The following COQ9 variants were observed in gnomAD, a reference collection of about 807,000 sequenced individuals.
The protein encoded by COQ9 is ubiquinone biosynthesis protein COQ9, mitochondrial.
COQ9 carries 35 observed loss-of-function variants against 42.4 expected under a neutral mutation model. The ratio of observed to expected loss-of-function variants is 0.83; its 90% confidence interval spans 0.63 to 1.10. The LOEUF (loss-of-function observed/expected upper bound fraction) is 1.10, where lower values mean the gene tolerates loss of function less well. Ranked by LOEUF, COQ9 falls within the 50% of genes least tolerant of loss-of-function variation. COQ9 has a pLI of 0.00. For missense variants in COQ9, 406 were observed against 414.6 expected (o/e 0.98, Z 0.18); for synonymous variants, 155 against 155.1 (o/e 1.00, Z 0.00).
At chr16:57,458,547 G>A (rs371220995) in intron 6 of COQ9, among the ~76,000 whole-genome samples, 197 bp downstream of exon 6, 31 of 152,342 alleles carry the variant, frequency 2.0e-4, no homozygotes, top group African/African-American at 7.5e-4. Flanking sequence ...CAGCATTCTA[G>A]CCACAAACCA....
Position 57,456,976 on chromosome 16 carries a change from A to G in COQ9, c.567A>G (p.Arg189=). 1.2e-6 allele frequency: 2 copies of G among 1,614,098 alleles called. No individual in the cohort carries two copies. The highest frequency in any genetic ancestry group is 1.7e-6 in the Non-Finnish European group (2 of 1,179,986). The change falls in exon 5 of 9, where the codon AGA becomes AGG. Residue 189 remains arginine, a synonymous_variant. Coordinates refer to ENST00000262507, the MANE Select transcript of COQ9 (RefSeq NM_020312.4). ...TCCTGAGGGATGCAGTGGAAACCAG[A>G]CTGAGAATGCTGATCCCATACATTG... ...DQFLRDAVET[R]LRMLIPYIEH...
chr16:57,451,127 C>T lies in COQ9; in HGVS notation c.161C>T (p.Pro54Leu), dbSNP rs752172616. The change falls in exon 2 of 9, where the codon CCT (proline) becomes CTT (leucine). Residue 54 changes from proline to leucine, a missense_variant. Pro to Leu is a moderately conservative substitution (Grantham distance 98). Coordinates refer to ENST00000262507, the MANE Select transcript of COQ9 (RefSeq NM_020312.4). Reference sequence around the variant, plus strand: ...TCTTCAGATGAGCAGAAGCAGCAGCCTCCCAACTCATTTTCTCAGCAGCAT... The same window carrying T: ...TCTTCAGATGAGCAGAAGCAGCAGCTTCCCAACTCATTTTCTCAGCAGCAT... The part of the protein sequence containing the change: ...LRSSDEQKQQ[P>L]PNSFSQQHSE... 9 of 1,614,028 alleles carry T rather than the reference C, an allele frequency of 5.6e-6. No individual in the cohort carries two copies. Among genetic ancestry groups the T allele is most frequent in the Non-Finnish European group, 7.6e-6 (9 of 1,180,028 alleles).
chr16:57,456,766 C>T, intron 4 of COQ9, 120 bp downstream of exon 4: 5 of 1,386,454 alleles, frequency 3.6e-6, no homozygotes, highest in Non-Finnish European at 5.0e-6. Context: ...TTGGGCAGCC[C>T]TGCTGCTGTG....
chr16:57,457,316 C>A, intron 5 of COQ9: 1 of 463,704 alleles, frequency 2.2e-6, no homozygotes. Context: ...GAGGAGGAAT[C>A]CATGCAGGAG....
At chr16:57,459,329 T>C (rs2030475174) in intron 6 of COQ9, among the ~76,000 whole-genome samples, 1 of 152,208 alleles carries the variant, frequency 6.6e-6, no homozygotes, top group Non-Finnish European at 1.5e-5. Flanking sequence ...CCTGGCACTT[T>C]ATTTAGATCC....
At chr16:57,450,282 G>T (rs1416010347) in intron 1 of COQ9, among the ~76,000 whole-genome samples, 4 of 152,036 alleles carry the variant, frequency 2.6e-5, no homozygotes, top group African/African-American at 4.8e-5. Context: ...GAGAGTGGTG[G>T]CGGGTGCCTG....
chr16:57,453,755 A>T (rs192278657), intron 3 of COQ9: 17 of 152,440 alleles, frequency 1.1e-4, no homozygotes, highest in Admixed American at 9.8e-4. Flanking sequence ...TGAACAATAC[A>T]AACAAATATA....
chr16:57,451,990 G>GT (rs565374865), intron 2 of COQ9, among the ~76,000 whole-genome samples: 14 of 151,134 alleles, frequency 9.3e-5, no homozygotes, highest in East Asian at 1.9e-4. Flanking sequence ...TTCCATTAGT[G>GT]TTTTTTTTTC....
intron 6 of COQ9, 118 bp from the exon 7 acceptor site, chr16:57,459,447 G>C (rs1371052178): frequency 5.1e-6 from 5 of 974,184 alleles, no homozygotes; most frequent in Admixed American, 1.8e-5. Context: ...CAGAGGGCCA[G>C]ATGTATCTGT....
chr16:57,460,830 T>G lies in COQ9; in HGVS notation c.*206T>G. On this transcript the variant is annotated 3_prime_UTR_variant, in exon 9 of 9. Transcript: ENST00000262507. ...GGGATTGGGCTGCTTCTTCAGTTCC[T>G]AATACCAGACCAAGCCTCCTGATGC... 1.7e-6 allele frequency: 1 copy of G among 590,108 alleles called. No homozygotes were observed. The highest frequency in any genetic ancestry group is 3.1e-6 in the Non-Finnish European group (1 of 325,310). 36.6% of individuals were successfully genotyped at this position (590,108 alleles called of 1,614,324 possible).
chr16:57,461,106 A>C lies in COQ9; in HGVS notation c.*482A>C, dbSNP rs995410830. On this transcript the variant is annotated 3_prime_UTR_variant, in exon 9 of 9. Coordinates refer to ENST00000262507, the MANE Select transcript of COQ9 (RefSeq NM_020312.4). ...AGCCCCCTCCCTCTCAGGTGTCCTG[A>C]GATGCTGTTCCTGGGAGCCCCCTCA... The C allele has an allele frequency of 3.5e-5, 16 of 454,054 alleles. No homozygotes were observed. The highest frequency in any genetic ancestry group is 3.2e-4 in the African/African-American group (16 of 50,002). The allele number at this position is 454,054 out of a possible 1,614,324, so 28.1% of individuals were successfully genotyped here. A position where few individuals can be genotyped will look rare whatever the true frequency, so the allele number is the denominator to read the frequency against.
At chr16:57,460,314 G>A (rs1936763417) in intron 8 of COQ9, among the ~76,000 whole-genome samples, 1 of 151,996 alleles carries the variant, frequency 6.6e-6, no homozygotes, top group African/African-American at 2.4e-5. Context: ...TGACTCCTGG[G>A]ACCCTGGTAT....
At chr16:57,450,695 G>C in intron 1 of COQ9, 1 of 358,368 alleles carries the variant, frequency 2.8e-6, no homozygotes, top group Middle Eastern at 9.4e-4. Flanking sequence ...TTTTGTTTGG[G>C]CCACACAGTG....
rs779331165 is a variant in COQ9, at chr16:57,456,566, G to A, written c.441G>A (p.Leu147=). The A allele has an allele frequency of 6.2e-7, 1 of 1,614,198 alleles. No individual in the cohort carries two copies. The highest frequency in any genetic ancestry group is 2.2e-5 in the East Asian group (1 of 44,894). ...GGAAGGATGGCAGTGAGCTAATACTGCATTTTGTGACCCAGTGCAATACCC... is the reference window on the plus strand; with the variant it reads ...GGAAGGATGGCAGTGAGCTAATACTACATTTTGTGACCCAGTGCAATACCC... ...MFGKDGSELI[L]HFVTQCNTRL... The change falls in exon 4 of 9, where the codon CTG becomes CTA. Residue 147 remains leucine, a synonymous_variant. Coordinates refer to ENST00000262507, the MANE Select transcript of COQ9 (RefSeq NM_020312.4).
intron 2 of COQ9, among the ~76,000 whole-genome samples, chr16:57,452,129 C>G (rs2030303360): frequency 6.6e-6 from 1 of 152,152 alleles, no homozygotes; most frequent in Non-Finnish European, 1.5e-5. Context: ...ACTATCATGC[C>G]AGGCCCTGTG....
rs1233555410 is a variant in COQ9 at position 57,448,088 on chromosome 16, C to T, written c.73+510C>T. Among the ~76,000 whole-genome samples the T allele has an allele frequency of 3.9e-5, 6 of 152,166 alleles. No individual in the cohort carries two copies. In the East Asian group the frequency reaches 1.2e-3, roughly 29 times the overall value. ...AGTTCTTAAAGAGGAAACTTTATAT[C>T]ATTGTCATAAATGGAAAACTAATAT... On this transcript the variant is annotated intron_variant, in intron 1 of 8. Coordinates refer to ENST00000262507, the MANE Select transcript of COQ9 (RefSeq NM_020312.4).
At chr16:57,452,507 T>A (rs1226651180) in intron 2 of COQ9, among the ~76,000 whole-genome samples, 2 of 152,174 alleles carry the variant, frequency 1.3e-5, no homozygotes, top group Non-Finnish European at 2.9e-5. Flanking sequence ...CCGGACATGG[T>A]GGCACACGCC....
At chr16:57,453,288 G>C (rs191191263) in intron 3 of COQ9, 8 of 358,562 alleles carry the variant, frequency 2.2e-5, no homozygotes, top group Non-Finnish European at 3.2e-5. Flanking sequence ...TTCGAACTAT[G>C]ACAAAGCACT....
At chr16:57,453,022 T>C in intron 3 of COQ9, 86 bp downstream of exon 3, 2 of 1,566,378 alleles carry the variant, frequency 1.3e-6, no homozygotes, top group Non-Finnish European at 1.8e-6. Context: ...TCATGCCTTC[T>C]TCCAGTCTAG....
Sources: gnomAD v4.1 joint callset for allele counts (sites outside exome capture counted in the v4.1 genomes callset) on GRCh38, gnomAD v4.1.1 for gene constraint, MANE v1.5 for transcripts, NCBI Gene and HGNC (gene_info 2026-07-23, HGNC 2026-07-21) for gene names.